PARD3: variants seen among roughly 807,000 people sequenced by gnomAD.
PARD3 encodes the protein partitioning defective 3 homolog.
A neutral mutation model predicts 155.4 loss-of-function variants in PARD3; 75 were observed. The ratio of observed to expected loss-of-function variants is 0.48; its 90% CI spans 0.40 to 0.58. The LOEUF (loss-of-function observed/expected upper bound fraction) is 0.58. PARD3 is among the 20% of genes least tolerant of loss of function. The pLI is 0.00. For missense variants in PARD3, 1,642 were observed against 1,721.7 expected, an observed-to-expected ratio of 0.95 and a Z score of 0.82; for synonymous variants, 576 against 610.5, an observed-to-expected ratio of 0.94 and a Z score of 0.83.
At chr10:34,137,744 T>C (rs1003656827) in intron 22 of PARD3, among the ~76,000 whole-genome samples, 1 of 152,164 alleles carries the variant, frequency 6.6e-6, no homozygotes, top group African/African-American at 2.4e-5. Context: ...GGAGTGAATA[T>C]GAATCCAACC....
chr10:34,220,914 T>C (rs754244704), intron 22 of PARD3, among the ~76,000 whole-genome samples: 3 of 152,154 alleles, frequency 2.0e-5, no homozygotes, highest in Non-Finnish European at 4.4e-5. Flanking sequence ...GGGAGAGCTA[T>C]TGAATGTGAG....
intron 24 of PARD3, among the ~76,000 whole-genome samples, chr10:34,112,412 C>T (rs1946432187): frequency 6.6e-6 from 1 of 152,118 alleles, no homozygotes; most frequent in South Asian, 2.1e-4. Flanking sequence ...CTTTAATTTA[C>T]TATCAAGTCT....
At chr10:34,444,250 T>C (rs1403384294) in intron 5 of PARD3, among the ~76,000 whole-genome samples, 3 of 152,188 alleles carry the variant, frequency 2.0e-5, no homozygotes, top group Non-Finnish European at 4.4e-5. Context: ...TAGCTTATGT[T>C]TTCCTTAAGG....
intron 22 of PARD3, among the ~76,000 whole-genome samples, chr10:34,244,521 A>C (rs1482821135): frequency 6.6e-6 from 1 of 152,212 alleles, no homozygotes; most frequent in Non-Finnish European, 1.5e-5. Context: ...CACTGGCTTA[A>C]GAAATTCACC....
intron 5 of PARD3, among the ~76,000 whole-genome samples, chr10:34,405,557 A>G (rs1395611773): frequency 1.3e-5 from 2 of 152,248 alleles, no homozygotes; most frequent in South Asian, 2.1e-4. Flanking sequence ...ACAATCAAGT[A>G]CATGGCAAGA....
At chr10:34,138,137 C>T (rs1319740865) in intron 22 of PARD3, among the ~76,000 whole-genome samples, 2 of 152,206 alleles carry the variant, frequency 1.3e-5, no homozygotes, top group Non-Finnish European at 2.9e-5. Flanking sequence ...ACAGGCATCA[C>T]ATTTTACGAG....
intron 2 of PARD3, among the ~76,000 whole-genome samples, chr10:34,569,880 T>C (rs2086249514): frequency 6.8e-6 from 1 of 146,046 alleles, no homozygotes; most frequent in African/African-American, 2.5e-5. Flanking sequence ...ATGCAAGATT[T>C]TTCTTCCTAC....
intron 22 of PARD3, among the ~76,000 whole-genome samples, chr10:34,201,335 T>C (rs1951199934): frequency 6.6e-6 from 1 of 152,348 alleles, no homozygotes; most frequent in East Asian, 1.9e-4. Context: ...AATCATTTTA[T>C]TTCCACTGAA....
rs200834085 is a variant in PARD3 at position 34,312,124 on chromosome 10, C to CGT, written c.3065+4981_3065+4982dup. ...TAAAGAAAGGAAAGAGAAAAAAACA[C>CGT]GTCTCTGCCTTTTCAAGCGTAATTT... On this transcript the variant is annotated intron_variant, in intron 20 of 24. Coordinates refer to ENST00000374788, the MANE Select transcript of PARD3 (RefSeq NM_001184785.2). The CGT allele has an allele frequency of 1.5e-3, 1,025 of 676,590 alleles. 5 individuals are homozygous for CGT. In the African/African-American group the frequency reaches 0.017, roughly 11 times the overall value. The allele number at this position is 676,590 out of a possible 1,614,324, so 41.9% of individuals were successfully genotyped here.
intron 22 of PARD3, among the ~76,000 whole-genome samples, chr10:34,142,638 C>T (rs529344896): frequency 5.4e-5 from 8 of 146,820 alleles, no homozygotes; most frequent in East Asian, 3.9e-4. Flanking sequence ...GAAGAAAGGA[C>T]GAAGGAAGGA....
intron 2 of PARD3, among the ~76,000 whole-genome samples, chr10:34,661,980 G>A (rs1443624181): frequency 6.6e-6 from 1 of 152,202 alleles, no homozygotes; most frequent in Non-Finnish European, 1.5e-5. Context: ...GATCCTGCAT[G>A]TAAGCACCCT....
chr10:34,637,171 C>T (rs1190188018), intron 2 of PARD3, among the ~76,000 whole-genome samples: 1 of 152,214 alleles, frequency 6.6e-6, no homozygotes, highest in Non-Finnish European at 1.5e-5. Context: ...GCCAGGACTC[C>T]ATCAGGTGCT....
chr10:34,285,853 C>T (rs1564548757), intron 20 of PARD3, among the ~76,000 whole-genome samples: 1 of 151,972 alleles, frequency 6.6e-6, no homozygotes, highest in Non-Finnish European at 1.5e-5. Flanking sequence ...ACACCACCAC[C>T]ACTACTTTAA....
rs142082298 is a variant in PARD3, at chr10:34,256,178, T to C, written c.3419+13479A>G. Among the ~76,000 whole-genome samples, 16 of 152,378 alleles carry C rather than the reference T, an allele frequency of 1.1e-4. No individual in the cohort carries two copies. The East Asian group carries it at 2.9e-3, about 28-fold the overall frequency. ...TAATTATTCACTAATTCAGACTTTA[T>C]ATCATTTCCTCTACTTAGATGGACA... On this transcript the variant is annotated intron_variant, in intron 22 of 24. Coordinates refer to ENST00000374788, the MANE Select transcript of PARD3 (RefSeq NM_001184785.2).
At chr10:34,788,537 C>T (rs1841266726) in intron 1 of PARD3, among the ~76,000 whole-genome samples, 1 of 151,934 alleles carries the variant, frequency 6.6e-6, no homozygotes, top group Admixed American at 6.6e-5. Flanking sequence ...GCAAACTCCG[C>T]CTCCTGGGTT....
chr10:34,688,025 T>C (rs773944465), intron 2 of PARD3, among the ~76,000 whole-genome samples: 8 of 151,756 alleles, frequency 5.3e-5, no homozygotes, highest in Non-Finnish European at 1.0e-4. Flanking sequence ...CAGCTAATTG[T>C]AGTATTTTTT....
intron 22 of PARD3, among the ~76,000 whole-genome samples, chr10:34,221,304 C>T (rs901642862): frequency 6.6e-6 from 1 of 152,098 alleles, no homozygotes; most frequent in Non-Finnish European, 1.5e-5. Context: ...CGCAAGCTTC[C>T]CATGGACCAG....
At chr10:34,444,226 G>C (rs1284342647) in intron 5 of PARD3, among the ~76,000 whole-genome samples, 1 of 152,176 alleles carries the variant, frequency 6.6e-6, no homozygotes, top group Non-Finnish European at 1.5e-5. Context: ...TTGTGAAAAT[G>C]GCAGGCTCCC....
intron 1 of PARD3, among the ~76,000 whole-genome samples, chr10:34,791,773 G>A (rs373661699): frequency 2.0e-5 from 3 of 151,652 alleles, no homozygotes; most frequent in East Asian, 1.9e-4. Flanking sequence ...CCAGGAGGTC[G>A]AGGCTACAGT....
Sources: gnomAD v4.1 joint callset for allele counts (sites outside exome capture counted in the v4.1 genomes callset) on GRCh38, gnomAD v4.1.1 for gene constraint, MANE v1.5 for transcripts, NCBI Gene and HGNC (gene_info 2026-07-23, HGNC 2026-07-21) for gene names.